ARHGAP19: variants seen among roughly 807,000 people sequenced by gnomAD.
ARHGAP19 encodes rho GTPase-activating protein 19.
ARHGAP19 carries 48 observed loss-of-function variants against 60.9 expected under a neutral mutation model. The observed-to-expected ratio is 0.79, with a 90% CI of 0.62 to 1.00. ARHGAP19 has a LOEUF of 1.00. ARHGAP19 is among the 50% of genes least tolerant of loss of function. ARHGAP19 has a pLI of 0.00. For synonymous variants in ARHGAP19, 209 were observed against 215.5 expected (o/e 0.97, Z 0.27); for missense variants, 562 against 597.2 (o/e 0.94, Z 0.61).
chr10:97,240,297 C>T (rs1427900217), intron 8 of ARHGAP19, among the ~76,000 whole-genome samples: 2 of 152,054 alleles, frequency 1.3e-5, no homozygotes, highest in African/African-American at 4.8e-5. Context: ...ACCTAATTCC[C>T]AAATATGCCC....
Position 97,223,535 on chromosome 10 carries a change from C to T in ARHGAP19, c.*2587G>A, listed in dbSNP as rs1472680667. 6.6e-6 allele frequency: 1 copy of T among 152,196 alleles called. No homozygotes were observed. The highest frequency in any genetic ancestry group is 1.5e-5 in the Non-Finnish European group (1 of 68,072). The allele number at this position is 152,196 out of a possible 1,614,324, so 9.4% of individuals were successfully genotyped here. A position where few individuals can be genotyped will look rare whatever the true frequency, so the allele number is the denominator to read the frequency against. Reference sequence around the variant, plus strand: ...GCACAAACACAAGGCCCCAAATTGACACCACATCAAAGCCCATCACAGGTG... The same window carrying T: ...GCACAAACACAAGGCCCCAAATTGATACCACATCAAAGCCCATCACAGGTG... On this transcript the variant is annotated 3_prime_UTR_variant, in exon 12 of 12. Transcript: ENST00000358531.
chr10:97,226,418 C>T (rs1850895662), intron 11 of ARHGAP19, among the ~76,000 whole-genome samples: 2 of 152,152 alleles, frequency 1.3e-5, no homozygotes. Context: ...ATATGAGGTA[C>T]TACTCCTACC....
intron 6 of ARHGAP19, among the ~76,000 whole-genome samples, chr10:97,248,553 AT>A (rs1190719573): frequency 6.6e-6 from 1 of 152,204 alleles, no homozygotes; most frequent in Non-Finnish European, 1.5e-5. Context: ...CTTTAAAAAA[AT>A]GTTTTAATCT....
At chr10:97,264,032 G>T (rs1354584306) in intron 3 of ARHGAP19, among the ~76,000 whole-genome samples, 1 of 152,160 alleles carries the variant, frequency 6.6e-6, no homozygotes, top group East Asian at 1.9e-4. Context: ...GATGTTTGTG[G>T]CTCTTGTAAA....
intron 9 of ARHGAP19, among the ~76,000 whole-genome samples, chr10:97,232,232 C>T (rs1270487365): frequency 3.6e-5 from 5 of 138,234 alleles, no homozygotes; most frequent in African/African-American, 1.4e-4. Flanking sequence ...GGCTCAATCT[C>T]GGCTCACTGC....
At chr10:97,270,555 G>A (rs1041751068) in intron 1 of ARHGAP19, 2 of 1,482,610 alleles carry the variant, frequency 1.3e-6, no homozygotes, top group East Asian at 2.5e-5. Flanking sequence ...CTACAATATT[G>A]TAAAACAAAC....
At chr10:97,274,862 C>T (rs887124096) in intron 1 of ARHGAP19, 3 of 152,164 alleles carry the variant, frequency 2.0e-5, no homozygotes, top group African/African-American at 7.2e-5. Flanking sequence ...ATGATAGAGG[C>T]AAGACCCCTC....
At chr10:97,262,974 G>A (rs913444643) in intron 4 of ARHGAP19, among the ~76,000 whole-genome samples, 1 of 151,994 alleles carries the variant, frequency 6.6e-6, no homozygotes, top group African/African-American at 2.4e-5. Flanking sequence ...TTTGCCAGGC[G>A]TGGTGCCGCA....
At chr10:97,242,637 CGAGTAGCTGG>C (rs1006724599) in intron 8 of ARHGAP19, among the ~76,000 whole-genome samples, 1 of 151,924 alleles carries the variant, frequency 6.6e-6, no homozygotes, top group Non-Finnish European at 1.5e-5. Context: ...CTCAGCCTCC[CGAGTAGCTGG>C]GATTACAAGC....
chr10:97,249,375 T>C (rs1842609125), intron 6 of ARHGAP19, among the ~76,000 whole-genome samples: 1 of 152,320 alleles, frequency 6.6e-6, no homozygotes, highest in Non-Finnish European at 1.5e-5. Context: ...AAACAATCTG[T>C]GTCTCCTCAT....
chr10:97,253,611 G>A (rs74365159), intron 6 of ARHGAP19, among the ~76,000 whole-genome samples: 6,077 of 152,140 alleles, frequency 0.04, 203 homozygotes, highest in Non-Finnish European at 0.06. Flanking sequence ...ACAACGTATG[G>A]TATATTTCAA....
intron 4 of ARHGAP19, 130 bp downstream of exon 4, chr10:97,263,290 G>A (rs1842854780): frequency 2.2e-6 from 2 of 913,514 alleles, no homozygotes; most frequent in Admixed American, 2.3e-5. Context: ...GAGAAGTCCA[G>A]CAACATCACG....
chr10:97,288,942 G>A (rs1843193016), intron 1 of ARHGAP19, among the ~76,000 whole-genome samples: 1 of 149,408 alleles, frequency 6.7e-6, no homozygotes, highest in African/African-American at 2.5e-5. Flanking sequence ...AGCCTCCCGA[G>A]TAGCTGGGAC....
Position 97,229,827 on chromosome 10 carries a change from G to C in ARHGAP19, c.1332C>G (p.Asn444Lys). ...NQMMSEKKKK[N>K]PTPESVAIGE... ...CAATGGCCACAGATTCTGGAGTAGG[G>C]TTCTTCTTTTTCTTTTCTGACATCA... Residue 444 changes from asparagine (N) to lysine (K), a missense_variant, in exon 10 of 12, where the codon AAC (asparagine) becomes AAG (lysine). Transcript: ENST00000358531. 1.2e-6 allele frequency: 2 copies of C among 1,612,926 alleles called. No individual in the cohort carries two copies. The highest frequency in any genetic ancestry group is 1.3e-5 in the African/African-American group (1 of 74,938).
At chr10:97,231,419 C>G (rs1387783935) in intron 9 of ARHGAP19, among the ~76,000 whole-genome samples, 1 of 152,080 alleles carries the variant, frequency 6.6e-6, no homozygotes, top group African/African-American at 2.4e-5. Flanking sequence ...ACTTTCTCAT[C>G]CTCCCAAACA....
intron 1 of ARHGAP19, among the ~76,000 whole-genome samples, chr10:97,266,390 TTCTGGATGCCTCTGACCCATTCGTCA>T (rs1842899329): frequency 2.0e-5 from 3 of 152,186 alleles, no homozygotes; most frequent in Non-Finnish European, 4.4e-5. Context: ...AATCCTTCAA[TTCTGGATGCCTCTGACCCATTCGTCA>T]TCATCTAAGT....
chr10:97,245,899 C>G (rs1842556589), intron 7 of ARHGAP19, among the ~76,000 whole-genome samples: 1 of 152,072 alleles, frequency 6.6e-6, no homozygotes, highest in Admixed American at 6.6e-5. Flanking sequence ...CAGTGGAGAA[C>G]CTCTGAAAGC....
chr10:97,244,463 C>T (rs7905604), intron 7 of ARHGAP19, among the ~76,000 whole-genome samples: 9,514 of 152,028 alleles, frequency 0.063, 379 homozygotes, highest in East Asian at 0.16. Flanking sequence ...ATTTATTCAA[C>T]AATTCAACAA....
At chr10:97,233,665 C>T (rs533997499) in intron 9 of ARHGAP19, among the ~76,000 whole-genome samples, 1 of 152,128 alleles carries the variant, frequency 6.6e-6, no homozygotes, top group African/African-American at 2.4e-5. Context: ...GTCACGAGTT[C>T]GAGACCAGCC....
Sources: gnomAD v4.1 joint callset for allele counts (sites outside exome capture counted in the v4.1 genomes callset) on GRCh38, gnomAD v4.1.1 for gene constraint, MANE v1.5 for transcripts, NCBI Gene and HGNC (gene_info 2026-07-23, HGNC 2026-07-21) for gene names.